The following ZFHX3 variants were observed in gnomAD, a reference collection of about 807,000 sequenced individuals.
ZFHX3 encodes the protein zinc finger homeobox 3, also known as zinc finger homeobox protein 3.
A neutral mutation model predicts 279.1 loss-of-function variants in ZFHX3; 42 were observed. The ratio of observed to expected loss-of-function variants is 0.15; its 90% CI spans 0.12 to 0.19. The LOEUF (loss-of-function observed/expected upper bound fraction) is 0.19, where lower values mean the gene tolerates loss of function less well. Among genes scored for constraint, ZFHX3 ranks in the 10% least tolerant of loss-of-function variants. ZFHX3 has a pLI of 1.00. For missense variants in ZFHX3, 4,981 were observed against 4,754.0 expected (o/e 1.05, Z -1.40); for synonymous variants, 2,293 against 1,957.8 (o/e 1.17, Z -4.52).
At chr16:73,350,897 C>T (rs1339249252) in intron 3 of ZFHX3, among the ~76,000 whole-genome samples, 2 of 152,148 alleles carry the variant, frequency 1.3e-5, no homozygotes, top group Non-Finnish European at 2.9e-5. Flanking sequence ...GTTCTGCTTC[C>T]TGGAAAGTGT....
intron 3 of ZFHX3, 114 bp downstream of exon 3, chr16:72,950,355 C>T: frequency 1.3e-6 from 2 of 1,488,692 alleles, no homozygotes; most frequent in East Asian, 2.3e-5. Context: ...CAACCAACAG[C>T]CAAGCAGGCC....
intron 4 of ZFHX3, among the ~76,000 whole-genome samples, chr16:73,300,380 C>T (rs929816601): frequency 3.3e-5 from 5 of 152,022 alleles, no homozygotes; most frequent in Non-Finnish European, 7.4e-5. Context: ...GTGAACACTT[C>T]AGCAGCCCCT....
intron 3 of ZFHX3, among the ~76,000 whole-genome samples, chr16:73,367,298 G>T (rs1233309579): frequency 6.6e-6 from 1 of 152,166 alleles, no homozygotes; most frequent in Admixed American, 6.5e-5. Flanking sequence ...GAACCAAGAT[G>T]GCTCACCGCC....
intron 2 of ZFHX3, among the ~76,000 whole-genome samples, chr16:73,476,637 CA>C (rs1363852955): frequency 6.6e-6 from 1 of 152,054 alleles, no homozygotes; most frequent in Non-Finnish European, 1.5e-5. Context: ...ATATGAACAC[CA>C]AAACAAATTC....
At chr16:73,866,454 C>G (rs1471587808) in intron 1 of ZFHX3, among the ~76,000 whole-genome samples, 1 of 151,964 alleles carries the variant, frequency 6.6e-6, no homozygotes, top group Non-Finnish European at 1.5e-5. Context: ...TGAGCCACCA[C>G]CCCCGGAAGA....
At chr16:73,482,208 C>T (rs1197969346) in intron 2 of ZFHX3, among the ~76,000 whole-genome samples, 1 of 152,110 alleles carries the variant, frequency 6.6e-6, no homozygotes, top group Non-Finnish European at 1.5e-5. Flanking sequence ...ACAGCAGTGC[C>T]TGTGTTAAGC....
At chr16:73,457,387 G>A (rs993318674) in intron 2 of ZFHX3, among the ~76,000 whole-genome samples, 1 of 152,160 alleles carries the variant, frequency 6.6e-6, no homozygotes, top group Non-Finnish European at 1.5e-5. Flanking sequence ...CACGTGAGCT[G>A]GAAAGTTTCC....
intron 2 of ZFHX3, among the ~76,000 whole-genome samples, chr16:73,511,580 C>T (rs2019429686): frequency 6.6e-6 from 1 of 152,108 alleles, no homozygotes; most frequent in Non-Finnish European, 1.5e-5. Flanking sequence ...TTTTGAAAAC[C>T]TTGAAAAAAT....
intron 3 of ZFHX3, among the ~76,000 whole-genome samples, chr16:72,902,444 G>C (rs151078254): frequency 3.9e-5 from 6 of 152,196 alleles, no homozygotes; most frequent in Non-Finnish European, 5.9e-5. Flanking sequence ...TGGCTTCCTC[G>C]CATGGCCCTG....
At chr16:73,453,852 G>A (rs1001535577) in intron 3 of ZFHX3, among the ~76,000 whole-genome samples, 2 of 152,156 alleles carry the variant, frequency 1.3e-5, no homozygotes, top group South Asian at 4.1e-4. Flanking sequence ...CAGGTCTTGT[G>A]AGACTTATTC....
At chr16:73,565,050 T>G (rs1029033453) in intron 2 of ZFHX3, among the ~76,000 whole-genome samples, 1 of 152,056 alleles carries the variant, frequency 6.6e-6, no homozygotes, top group Non-Finnish European at 1.5e-5. Flanking sequence ...GTCAAGAGAT[T>G]GCGAAGAGCA....
intron 1 of ZFHX3, among the ~76,000 whole-genome samples, chr16:73,854,727 CAAAAA>C (rs60003447): frequency 1.7e-5 from 1 of 59,518 alleles, no homozygotes; most frequent in African/African-American, 6.6e-5. Context: ...CCACCTTCCA[CAAAAA>C]AAAAAAAAAA....
chr16:73,175,619 T>C (rs1221795797), intron 5 of ZFHX3, among the ~76,000 whole-genome samples: 1 of 152,222 alleles, frequency 6.6e-6, no homozygotes, highest in Non-Finnish European at 1.5e-5. Flanking sequence ...TAAAGGGAAG[T>C]GCCATTAACA....
chr16:72,788,220 C>T lies in ZFHX3; in HGVS notation c.10056G>A (p.Leu3352=), dbSNP rs754075339. The change falls in exon 10 of 10, where the codon CTG becomes CTA. Residue 3352 remains leucine, a synonymous_variant. Transcript: ENST00000268489. ...GTAGGGAGCCTGGGGACAGCCCCAT[C>T]AGGGCCTGCGACAGTGCAGGGCTGT... ...FPYSPALSQA[L]MGLSPGSLLQ... 4 of 1,613,462 alleles carry T rather than the reference C, an allele frequency of 2.5e-6. No homozygotes were observed. The highest frequency in any genetic ancestry group is 3.3e-5 in the Admixed American group (2 of 60,008).
chr16:73,163,834 A>T (rs1336727356), intron 5 of ZFHX3, among the ~76,000 whole-genome samples: 3 of 152,204 alleles, frequency 2.0e-5, no homozygotes, highest in Non-Finnish European at 2.9e-5. Flanking sequence ...AATAAATAAA[A>T]ATACTACTGT....
In ZFHX3 at chr16:73,445,540, GAGA is replaced by G. The variant is rs1374498149; in HGVS notation, c.-1291+10460_-1291+10462del. The stretch of plus-strand genomic sequence containing the variant: ...CAAATGGAACTATCTGAGCAGCCCT[GAGA>G]AGATCTTCCTGCCTCCCAGGCCTGC... On this transcript the variant is annotated intron_variant, in intron 3 of 17. Coordinates refer to the ZFHX3 transcript ENST00000641206. 4.6e-5 allele frequency among the ~76,000 whole-genome samples: 7 copies of G among 152,248 alleles called. No homozygotes were observed. The East Asian group carries it at 1.4e-3, about 29-fold the overall frequency.
chr16:72,886,241 G>C (rs1023430456), intron 4 of ZFHX3, among the ~76,000 whole-genome samples: 1 of 152,126 alleles, frequency 6.6e-6, no homozygotes, highest in African/African-American at 2.4e-5. Flanking sequence ...GACCGAACTG[G>C]AGCCTGTGTG....
At chr16:73,328,245 C>T (rs1253696139) in intron 3 of ZFHX3, among the ~76,000 whole-genome samples, 2 of 152,030 alleles carry the variant, frequency 1.3e-5, no homozygotes, top group African/African-American at 4.8e-5. Flanking sequence ...GTGGTAGAAA[C>T]TGGGGAGGTG....
At chr16:73,391,834 G>A (rs564715631) in intron 3 of ZFHX3, among the ~76,000 whole-genome samples, 7 of 152,232 alleles carry the variant, frequency 4.6e-5, no homozygotes, top group African/African-American at 1.7e-4. Context: ...TGGATACATT[G>A]AGAGATGATG....
Sources: gnomAD v4.1 joint callset for allele counts (sites outside exome capture counted in the v4.1 genomes callset) on GRCh38, gnomAD v4.1.1 for gene constraint, MANE v1.5 for transcripts, NCBI Gene and HGNC (gene_info 2026-07-23, HGNC 2026-07-21) for gene names.